The following ROBO2 variants were observed in gnomAD, a reference collection of about 807,000 sequenced individuals.
The protein encoded by ROBO2 is roundabout guidance receptor 2, also known as roundabout homolog 2.
A neutral mutation model predicts 160.8 loss-of-function variants in ROBO2; 53 were observed. That is an observed-to-expected ratio of 0.33 (90% CI 0.26 to 0.41). ROBO2 has a LOEUF of 0.41. Ranked by LOEUF, ROBO2 falls within the 10% of genes least tolerant of loss-of-function variation. The pLI is 1.00. For missense variants in ROBO2, 1,577 were observed against 1,722.4 expected, an observed-to-expected ratio of 0.92 and a Z score of 1.49; for synonymous variants, 664 against 611.7, an observed-to-expected ratio of 1.09 and a Z score of -1.26.
intron 2 of ROBO2, among the ~76,000 whole-genome samples, chr3:76,437,465 T>G (rs1349196386): frequency 6.6e-6 from 1 of 152,214 alleles, no homozygotes; most frequent in East Asian, 1.9e-4. Context: ...TTTTAAACAC[T>G]GTCCCCAATC....
chr3:76,210,133 TA>T (rs1703052899), intron 2 of ROBO2, among the ~76,000 whole-genome samples: 1 of 152,100 alleles, frequency 6.6e-6, no homozygotes, highest in African/African-American at 2.4e-5. Context: ...CTCTCCCTTC[TA>T]ATATATGTAA....
intron 1 of ROBO2, among the ~76,000 whole-genome samples, chr3:77,092,674 C>T (rs2150033636): frequency 6.8e-6 from 1 of 146,674 alleles, no homozygotes; most frequent in Non-Finnish European, 1.5e-5. Flanking sequence ...TTAATTAAAA[C>T]TTGACTGATT....
intron 2 of ROBO2, among the ~76,000 whole-genome samples, chr3:76,926,808 G>A (rs932168158): frequency 1.3e-5 from 2 of 152,076 alleles, no homozygotes; most frequent in African/African-American, 2.4e-5. Context: ...ATAATCAATT[G>A]TTGAGGACAC....
intron 2 of ROBO2, among the ~76,000 whole-genome samples, chr3:77,385,478 T>C (rs9841421): frequency 0.22 from 32,995 of 152,166 alleles, 4,589 homozygotes; most frequent in Non-Finnish European, 0.31. Context: ...CCAAGCGACA[T>C]TTTTGTGTGG....
At chr3:77,634,656 G>A (rs1019080835) in intron 23 of ROBO2, 1 of 558,304 alleles carries the variant, frequency 1.8e-6, no homozygotes, top group African/African-American at 1.9e-5. Flanking sequence ...GAGGGGGCCA[G>A]TGGGGGTGTT....
intron 2 of ROBO2, among the ~76,000 whole-genome samples, chr3:77,221,121 G>T (rs984484890): frequency 2.6e-5 from 4 of 152,090 alleles, no homozygotes; most frequent in African/African-American, 7.2e-5. Flanking sequence ...ACCCACATAG[G>T]CCTGGTGTAC....
intron 2 of ROBO2, among the ~76,000 whole-genome samples, chr3:76,154,598 G>A (rs558354634): frequency 3.1e-4 from 47 of 152,182 alleles, no homozygotes; most frequent in Non-Finnish European, 6.0e-4. Context: ...TTATTGGGGA[G>A]TAGCGGAGGA....
intron 2 of ROBO2, among the ~76,000 whole-genome samples, chr3:76,443,924 C>T (rs866921334): frequency 1.2e-4 from 18 of 152,100 alleles, no homozygotes; most frequent in Middle Eastern, 6.8e-3. Flanking sequence ...ATGCAAGAAA[C>T]GGTCAAACAT....
In ROBO2 at chr3:76,328,967, A is replaced by G. The variant is rs140489182; in HGVS notation, c.109+391365A>G. Among the ~76,000 whole-genome samples, 483 of 150,642 alleles carry G rather than the reference A, an allele frequency of 3.2e-3. 5 individuals are homozygous for G. Among genetic ancestry groups the G allele is most frequent in the Admixed American group, 0.023 (351 of 15,048 alleles). Reference sequence around the variant, plus strand: ...GTCATATGTCTCCAACTTCATAAAGAATGACAGCTAGTAAAGATTTCCAAA... The same window carrying G: ...GTCATATGTCTCCAACTTCATAAAGGATGACAGCTAGTAAAGATTTCCAAA... On this transcript the variant is annotated intron_variant, in intron 2 of 26. Transcript: ENST00000487694.
intron 1 of ROBO2, among the ~76,000 whole-genome samples, chr3:77,069,436 G>A (rs930390265): frequency 3.9e-5 from 6 of 152,098 alleles, no homozygotes; most frequent in Admixed American, 2.6e-4. Flanking sequence ...GAACGAAATT[G>A]GAGTTAAGGT....
At chr3:76,634,633 T>C (rs1667170076) in intron 2 of ROBO2, among the ~76,000 whole-genome samples, 1 of 151,992 alleles carries the variant, frequency 6.6e-6, no homozygotes, top group Admixed American at 6.5e-5. Context: ...GGCCTCATTT[T>C]TGATTAATCA....
At chr3:76,095,832 A>G (rs1296102790) in intron 2 of ROBO2, among the ~76,000 whole-genome samples, 2 of 152,064 alleles carry the variant, frequency 1.3e-5, no homozygotes. Flanking sequence ...TAACATACAA[A>G]CAAAGCAAAA....
intron 2 of ROBO2, among the ~76,000 whole-genome samples, chr3:76,396,197 T>C (rs2077438377): frequency 6.6e-6 from 1 of 152,046 alleles, no homozygotes; most frequent in African/African-American, 2.4e-5. Flanking sequence ...TAATCCAGCA[T>C]ATAAACAGAA....
intron 1 of ROBO2, among the ~76,000 whole-genome samples, chr3:75,914,383 C>A (rs1372395915): frequency 6.6e-6 from 1 of 152,126 alleles, no homozygotes; most frequent in Non-Finnish European, 1.5e-5. Flanking sequence ...TTTTTAAAAT[C>A]TTTGTTTTTC....
At chr3:77,210,593 A>AT (rs377598463) in intron 2 of ROBO2, among the ~76,000 whole-genome samples, 170 of 143,536 alleles carry the variant, frequency 1.2e-3, no homozygotes, top group African/African-American at 4.1e-3. Flanking sequence ...CTCACAAATA[A>AT]TTTTTTTATT....
intron 2 of ROBO2, among the ~76,000 whole-genome samples, chr3:77,126,928 G>A (rs1287443658): frequency 1.3e-5 from 2 of 150,824 alleles, no homozygotes; most frequent in Admixed American, 6.6e-5. Flanking sequence ...AGCTGGGACT[G>A]CAGGTGCCCG....
chr3:76,564,345 G>T (rs2084383787), intron 2 of ROBO2, among the ~76,000 whole-genome samples: 1 of 151,398 alleles, frequency 6.6e-6, no homozygotes, highest in Admixed American at 6.6e-5. Context: ...GAGCCTAAGA[G>T]AAATCACATA....
chr3:77,305,873 T>C (rs2063055230), intron 2 of ROBO2, among the ~76,000 whole-genome samples: 1 of 152,194 alleles, frequency 6.6e-6, no homozygotes. Flanking sequence ...TGAACCTGAA[T>C]ATCTACATAA....
chr3:76,452,215 T>C (rs2077510010), intron 2 of ROBO2, among the ~76,000 whole-genome samples: 1 of 152,150 alleles, frequency 6.6e-6, no homozygotes. Context: ...TTAGGGTACA[T>C]GTGCACAATG....
Sources: allele counts gnomAD v4.1 joint callset (sites outside exome capture counted in the v4.1 genomes callset), GRCh38; gene constraint gnomAD v4.1.1; transcripts MANE v1.5; gene names NCBI Gene and HGNC (gene_info 2026-07-23, HGNC 2026-07-21).